The following CORO2B variants were observed in gnomAD, a reference collection of about 807,000 sequenced individuals.
The protein encoded by CORO2B is coronin-2B.
In CORO2B, 26 loss-of-function variants were observed where a neutral mutation model predicts 58.8. That is an observed-to-expected ratio of 0.44 (90% CI 0.32 to 0.61). The LOEUF (loss-of-function observed/expected upper bound fraction) is 0.61. CORO2B is among the 20% of genes least tolerant of loss of function. The pLI, the probability that CORO2B is intolerant of heterozygous loss-of-function variation, is 0.04. For missense variants in CORO2B, 460 were observed against 645.1 expected, an observed-to-expected ratio of 0.71 and a Z score of 3.11; for synonymous variants, 242 against 253.8, an observed-to-expected ratio of 0.95 and a Z score of 0.44.
chr15:68,665,547 A>C (rs978094788), intron 2 of CORO2B, among the ~76,000 whole-genome samples: 3 of 138,608 alleles, frequency 2.2e-5, no homozygotes, highest in Non-Finnish European at 4.6e-5. Flanking sequence ...TTAAATTGAT[A>C]AATTAAAGAG....
the CORO2B span, among the ~76,000 whole-genome samples, chr15:68,541,794 C>T: frequency 6.6e-6 from 1 of 152,202 alleles, no homozygotes; most frequent in Non-Finnish European, 1.5e-5. Context: ...CACGCAGGTG[C>T]TGATCAAACT....
chr15:68,570,083 T>C, the CORO2B span, among the ~76,000 whole-genome samples: 1 of 152,194 alleles, frequency 6.6e-6, no homozygotes, highest in East Asian at 1.9e-4. Flanking sequence ...AGAACAACAG[T>C]GCAAACTTGC....
In CORO2B at chr15:68,713,947, G is replaced by A; in HGVS notation, c.671G>A (p.Arg224Lys). The A allele has an allele frequency of 1.2e-6, 2 of 1,614,150 alleles. No individual in the cohort carries two copies. Among genetic ancestry groups the A allele is most frequent in the Non-Finnish European group, 1.7e-6 (2 of 1,179,992 alleles). ...TAGGAGGCCAACTGCAAAAACCACA[G>A]AGTGAACCGGGTGGTGTTCCTGGGG... ...VLQEANCKNH[R>K]VNRVVFLGNM... The change falls in exon 6 of 12, where the codon AGA (arginine) becomes AAA (lysine). Residue 224 changes from arginine (R) to lysine (K), a missense_variant. By Grantham distance (26) the Arg-to-Lys change is conservative. Around this residue, in one of 2 missense-constraint regions of CORO2B, gnomAD observed 352 missense variants for 543.0 expected, o/e 0.65. Transcript: ENST00000261861.
At chr15:68,638,302 A>G (rs1901100844) in intron 1 of CORO2B, among the ~76,000 whole-genome samples, 1 of 152,188 alleles carries the variant, frequency 6.6e-6, no homozygotes, top group Admixed American at 6.5e-5. Flanking sequence ...TCACAGGAGA[A>G]GGAGAGAGGG....
chr15:68,627,400 C>T (rs912383462), intron 1 of CORO2B, among the ~76,000 whole-genome samples: 59 of 151,958 alleles, frequency 3.9e-4, no homozygotes, highest in Admixed American at 1.3e-4. Context: ...AGGTGGGTCC[C>T]CAGGAAGAAA....
intron 1 of CORO2B, among the ~76,000 whole-genome samples, chr15:68,583,056 G>A (rs908066947): frequency 6.6e-6 from 1 of 152,166 alleles, no homozygotes; most frequent in Admixed American, 6.5e-5. Flanking sequence ...AGGTCCGTGG[G>A]CAGCACGATC....
chr15:68,574,412 A>G (rs1899240519), upstream of CORO2B, among the ~76,000 whole-genome samples: 1 of 152,132 alleles, frequency 6.6e-6, no homozygotes, highest in South Asian at 2.1e-4. Context: ...CCACTCACCC[A>G]TGGTCTGGGA....
In CORO2B at chr15:68,579,269, G is replaced by A. The variant is rs1899354512; in HGVS notation, c.7G>A (p.Val3Ile). MT[V>I]TKMSWRPQYR... ...TCCGCCGCGGAGTTTCTGCATGACT[G>A]TCACAAAGGTAAGCGCCGCTCGCCC... is the stretch of plus-strand genomic sequence containing the variant. Residue 3 changes from valine (V) to isoleucine (I), a missense_variant, in exon 1 of 12, where the codon GTC (valine) becomes ATC (isoleucine). Physicochemically the swap from Val to Ile is conservative, Grantham distance 29. Coordinates refer to ENST00000261861, the MANE Select transcript of CORO2B (RefSeq NM_006091.5). 1.6e-6 allele frequency: 2 copies of A among 1,277,670 alleles called. No individual in the cohort carries two copies. The highest frequency in any genetic ancestry group is 2.0e-6 in the Non-Finnish European group (2 of 1,006,416). The allele number at this position is 1,277,670 out of a possible 1,614,324, so 79.1% of individuals were successfully genotyped here.
chr15:68,560,878 T>C, the CORO2B span, among the ~76,000 whole-genome samples: 1 of 152,142 alleles, frequency 6.6e-6, no homozygotes, highest in African/African-American at 2.4e-5. Context: ...GAACCGCAGC[T>C]CTCCTCACGA....
chr15:68,530,472 G>T, the CORO2B span, among the ~76,000 whole-genome samples: 76 of 152,070 alleles, frequency 5.0e-4, no homozygotes, highest in African/African-American at 1.7e-3. Flanking sequence ...TCAAGAAATG[G>T]CAATTAGATC....
chr15:68,560,694 C>T, the CORO2B span, among the ~76,000 whole-genome samples: 1 of 152,188 alleles, frequency 6.6e-6, no homozygotes, highest in African/African-American at 2.4e-5. Context: ...CATCTTCCTC[C>T]TCTCTGCTCC....
chr15:68,579,308 C>T, intron 1 of CORO2B, 31 bp downstream of exon 1: 1 of 1,280,952 alleles, frequency 7.8e-7, no homozygotes. Context: ...GCGCCCGGGA[C>T]CCGCCGGCGC....
intron 1 of CORO2B, chr15:68,631,927 AG>A (rs1265784630): frequency 1.0e-6 from 1 of 984,698 alleles, no homozygotes; most frequent in Non-Finnish European, 1.2e-6. Context: ...GATGGCCACC[AG>A]GGAGGGCCAC....
intron 2 of CORO2B, among the ~76,000 whole-genome samples, chr15:68,679,952 G>A (rs933859620): frequency 2.0e-5 from 3 of 152,204 alleles, no homozygotes; most frequent in African/African-American, 4.8e-5. Context: ...TGAGCCAGAG[G>A]TCCCCTGCCC....
At chr15:68,566,406 A>T in the CORO2B span, among the ~76,000 whole-genome samples, 1 of 152,156 alleles carries the variant, frequency 6.6e-6, no homozygotes, top group Non-Finnish European at 1.5e-5. Context: ...TATCTTCCCG[A>T]TCACCACCCA....
Position 68,596,858 on chromosome 15 carries a change from C to T in CORO2B, c.15+17581C>T, listed in dbSNP as rs565203795. On this transcript the variant is annotated intron_variant, in intron 1 of 11. Coordinates refer to ENST00000261861, the MANE Select transcript of CORO2B (RefSeq NM_006091.5). ...ATCACGCAGAGCACTCCCCACGCCC[C>T]TTCCCACAGGCCACCCCAGCCACTC... is the stretch of plus-strand genomic sequence containing the variant. 9.2e-5 allele frequency among the ~76,000 whole-genome samples: 14 copies of T among 152,290 alleles called. No homozygotes were observed. In the South Asian group the frequency reaches 2.9e-3, roughly 32 times the overall value.
At chr15:68,694,147 T>C (rs1237906410) in intron 2 of CORO2B, among the ~76,000 whole-genome samples, 1 of 152,156 alleles carries the variant, frequency 6.6e-6, no homozygotes, top group African/African-American at 2.4e-5. Flanking sequence ...GGTTGTGTTA[T>C]AATGGAGGGA....
upstream of CORO2B, among the ~76,000 whole-genome samples, chr15:68,574,791 G>C (rs944690002): frequency 6.6e-6 from 1 of 152,172 alleles, no homozygotes; most frequent in Non-Finnish European, 1.5e-5. Context: ...GGCGACCATG[G>C]ATACAGCGCC....
intron 2 of CORO2B, among the ~76,000 whole-genome samples, chr15:68,666,643 G>A (rs1199594120): frequency 3.9e-5 from 6 of 152,280 alleles, no homozygotes; most frequent in East Asian, 1.9e-4. Flanking sequence ...CCTGGAGAGC[G>A]AGGGTGGAGA....
Sources: allele counts gnomAD v4.1 joint callset (sites outside exome capture counted in the v4.1 genomes callset), GRCh38; gene constraint gnomAD v4.1.1; regional missense constraint gnomAD v4.1.1; transcripts MANE v1.5; gene names NCBI Gene and HGNC (gene_info 2026-07-23, HGNC 2026-07-21).